The following M6PR variants were observed in gnomAD, a reference collection of about 807,000 sequenced individuals.
M6PR encodes the protein mannose-6-phosphate receptor, cation dependent.
A neutral mutation model predicts 33.1 loss-of-function variants in M6PR; 19 were observed. That is an observed-to-expected ratio of 0.57 (90% confidence interval 0.40 to 0.84). The LOEUF (loss-of-function observed/expected upper bound fraction) is 0.84, where lower values mean the gene tolerates loss of function less well. M6PR is among the 40% of genes least tolerant of loss of function. The probability of loss-of-function intolerance (pLI) is 0.00; values close to 1 mark genes in which losing one functional copy is unlikely to be tolerated. For synonymous variants in M6PR, 111 were observed against 123.4 expected (o/e 0.90, Z 0.67); for missense variants, 295 against 336.0 (o/e 0.88, Z 0.95).
At chr12:8,947,861 T>G (rs1289968989) in intron 1 of M6PR, among the ~76,000 whole-genome samples, 2 of 149,762 alleles carry the variant, frequency 1.3e-5, no homozygotes, top group Non-Finnish European at 3.0e-5. Context: ...TACTAAGAAG[T>G]GAAGGGGAAG....
chr12:8,942,115 T>G (rs1946021250), intron 6 of M6PR, 175 bp from the exon 7 acceptor site: 1 of 784,730 alleles, frequency 1.3e-6, no homozygotes, highest in Non-Finnish European at 2.0e-6. Context: ...GAGAAAAAGT[T>G]TCTTCTTATT....
intron 3 of M6PR, 166 bp downstream of exon 3, chr12:8,945,249 AGAG>A (rs1946077200): frequency 3.1e-6 from 2 of 649,264 alleles, no homozygotes; most frequent in Admixed American, 5.6e-5. Context: ...TGTGGCTTAC[AGAG>A]GAGCTGTGGA....
chr12:8,940,697 A>G lies in M6PR; in HGVS notation c.*1121T>C, dbSNP rs1251754820. 1.2e-5 allele frequency: 1 copy of G among 82,070 alleles called. No homozygotes were observed. The highest frequency in any genetic ancestry group is 2.3e-5 in the Non-Finnish European group (1 of 44,228). 5.1% of individuals were successfully genotyped at this position (82,070 alleles called of 1,614,324 possible). A position where few individuals can be genotyped will look rare whatever the true frequency, so the allele number is the denominator to read the frequency against. On this transcript the variant is annotated 3_prime_UTR_variant, in exon 7 of 7. Coordinates refer to ENST00000000412, the MANE Select transcript of M6PR (RefSeq NM_002355.4). ...AAGATCAGTCCAGGTTTCTGGGCAC[A>G]TGGCCTAAACAGGAAGATGGAAGCA...
rs1946083432 is a variant in M6PR, at chr12:8,945,604, G to A, written c.177-20C>T. ...TCAAAGCTGTAAAGAGAAGTGGGAA[G>A]AAAGAAGAGGAGAGTTACTAGCTAT... On this transcript the variant is annotated intron_variant, in intron 2 of 6. Coordinates refer to ENST00000000412, the MANE Select transcript of M6PR (RefSeq NM_002355.4). 2 of 1,609,136 alleles carry A rather than the reference G, an allele frequency of 1.2e-6. No homozygotes were observed. The highest frequency in any genetic ancestry group is 1.7e-5 in the Admixed American group (1 of 59,672).
intron 2 of M6PR, 31 bp from the exon 3 acceptor site, chr12:8,945,615 A>T (rs200767695): frequency 3.4e-4 from 548 of 1,598,048 alleles, no homozygotes; most frequent in Non-Finnish European, 4.3e-4. Context: ...AAAGAAGAGG[A>T]GAGTTACTAG....
chr12:8,944,966 T>C (rs1201365077), intron 3 of M6PR, among the ~76,000 whole-genome samples: 1 of 64,164 alleles, frequency 1.6e-5, no homozygotes, highest in East Asian at 2.1e-4. Flanking sequence ...AAGACCATCA[T>C]GGCCAACATT....
At chr12:8,942,288 G>C (rs1307541134) in intron 6 of M6PR, 128 bp downstream of exon 6, 14 of 1,271,560 alleles carry the variant, frequency 1.1e-5, no homozygotes, top group Non-Finnish European at 1.5e-5. Flanking sequence ...TTGTTTGCTG[G>C]GACTTTTGTG....
At chr12:8,947,802 T>C (rs1946119871) in intron 1 of M6PR, among the ~76,000 whole-genome samples, 1 of 151,890 alleles carries the variant, frequency 6.6e-6, no homozygotes, top group East Asian at 1.9e-4. Flanking sequence ...CATAACAATT[T>C]TTTGGAGATG....
chr12:8,943,316 A>T, intron 5 of M6PR, 89 bp downstream of exon 5: 1 of 1,462,038 alleles, frequency 6.8e-7, no homozygotes, highest in Non-Finnish European at 9.5e-7. Context: ...ATGTACACAT[A>T]CAATTTGTGC....
chr12:8,947,491 G>T (rs1415916278), intron 1 of M6PR, among the ~76,000 whole-genome samples: 19 of 152,060 alleles, frequency 1.2e-4, no homozygotes, highest in Non-Finnish European at 2.6e-4. Context: ...TAATATTATG[G>T]TAGTTTCCAT....
intron 4 of M6PR, 103 bp from the exon 5 acceptor site, chr12:8,943,638 G>A: frequency 6.7e-7 from 1 of 1,494,932 alleles, no homozygotes; most frequent in South Asian, 1.1e-5. Context: ...TGGTTCAGCA[G>A]CCTATTTTCC....
chr12:8,942,034 G>C (rs960286260), intron 6 of M6PR, 94 bp from the exon 7 acceptor site: 2 of 1,417,360 alleles, frequency 1.4e-6, no homozygotes, highest in African/African-American at 2.8e-5. Context: ...GGCAAGAATT[G>C]GTTTTCTATA....
chr12:8,948,859 C>T (rs781398823), intron 1 of M6PR, among the ~76,000 whole-genome samples: 1 of 152,328 alleles, frequency 6.6e-6, no homozygotes, highest in South Asian at 2.1e-4. Context: ...ATGTAGCAGT[C>T]CTTATCCCTT....
chr12:8,943,576 T>C (rs925299100), intron 4 of M6PR, 41 bp from the exon 5 acceptor site: 1 of 1,612,960 alleles, frequency 6.2e-7, no homozygotes, highest in Non-Finnish European at 8.5e-7. Context: ...TGGTTAAGTG[T>C]TTTGACTCCT....
intron 3 of M6PR, among the ~76,000 whole-genome samples, chr12:8,944,650 AT>A (rs959692653): frequency 5.3e-5 from 8 of 152,322 alleles, no homozygotes; most frequent in Admixed American, 3.3e-4. Context: ...CTCCAGCAAT[AT>A]GACTTTTAAG....
At chr12:8,946,522 A>G in intron 1 of M6PR, 117 bp from the exon 2 acceptor site, 1 of 750,098 alleles carries the variant, frequency 1.3e-6, no homozygotes, top group Non-Finnish European at 2.2e-6. Context: ...AAAGTACAAG[A>G]TTCTCTGGCA....
chr12:8,942,628 G>A (rs1592221357), intron 5 of M6PR, 86 bp from the exon 6 acceptor site: 3 of 1,421,658 alleles, frequency 2.1e-6, no homozygotes, highest in African/African-American at 1.4e-5. Context: ...ATTGTCAGCT[G>A]TTTCCTAAGA....
chr12:8,947,478 C>T (rs1592224897), intron 1 of M6PR, among the ~76,000 whole-genome samples: 1 of 152,142 alleles, frequency 6.6e-6, no homozygotes, highest in South Asian at 2.1e-4. Context: ...CAATTCTCTA[C>T]TGTAATATTA....
At chr12:8,942,802 A>G (rs1415006314) in intron 5 of M6PR, among the ~76,000 whole-genome samples, 2 of 152,216 alleles carry the variant, frequency 1.3e-5, no homozygotes, top group East Asian at 1.9e-4. Context: ...CATTAAGTAT[A>G]TGATTCCATT....
Sources: allele counts gnomAD v4.1 joint callset (sites outside exome capture counted in the v4.1 genomes callset), GRCh38; gene constraint gnomAD v4.1.1; transcripts MANE v1.5; gene names NCBI Gene and HGNC (gene_info 2026-07-23, HGNC 2026-07-21).